Variants in HEATR1 observed in about 807,000 individuals in gnomAD.
HEATR1 encodes the protein HEAT repeat-containing protein 1.
A neutral mutation model predicts 248.2 loss-of-function variants in HEATR1; 77 were observed. The ratio of observed to expected loss-of-function variants is 0.31; its 90% confidence interval spans 0.26 to 0.37. HEATR1 has a LOEUF of 0.37. Among genes scored for constraint, HEATR1 ranks in the 10% least tolerant of loss-of-function variants. The pLI is 1.00. For synonymous variants in HEATR1, 897 were observed against 923.1 expected (o/e 0.97, Z 0.51); for missense variants, 2,420 against 2,504.9 (o/e 0.97, Z 0.72).
At chr1:236,576,658 G>T in intron 21 of HEATR1, 122 bp downstream of exon 21, 1 of 882,060 alleles carries the variant, frequency 1.1e-6, no homozygotes, top group Non-Finnish European at 1.7e-6. Flanking sequence ...TGACCTATCA[G>T]TTCCTAAATC....
intron 6 of HEATR1, among the ~76,000 whole-genome samples, chr1:236,596,624 A>G (rs1664183451): frequency 6.6e-6 from 1 of 152,256 alleles, no homozygotes; most frequent in South Asian, 2.1e-4. Flanking sequence ...AGGACCAGAC[A>G]GCCAATATTT....
intron 19 of HEATR1, 125 bp from the exon 20 acceptor site, chr1:236,581,539 A>T (rs1286752848): frequency 4.9e-6 from 3 of 615,498 alleles, no homozygotes; most frequent in South Asian, 2.7e-5. Flanking sequence ...TGCTTTGTCT[A>T]ATCATTTCAA....
At chr1:236,555,683 A>C (rs1662950111) in intron 39 of HEATR1, 28 bp from the exon 40 acceptor site, 1 of 1,610,536 alleles carries the variant, frequency 6.2e-7, no homozygotes, top group Non-Finnish European at 8.5e-7. Flanking sequence ...CATTTATTAG[A>C]GTGCTGATAC....
chr1:236,586,524 AC>A (rs1303049138), intron 14 of HEATR1, 72 bp from the exon 15 acceptor site: 16 of 899,992 alleles, frequency 1.8e-5, no homozygotes, highest in Non-Finnish European at 2.5e-5. Flanking sequence ...ATTCATCATT[AC>A]ATTACTCCAG....
chr1:236,551,940 C>T lies in HEATR1; in HGVS notation c.6346+59G>A, dbSNP rs544999870. 4.1e-5 allele frequency: 48 copies of T among 1,171,318 alleles called. No homozygotes were observed. The South Asian group carries it at 4.7e-4, about 11-fold the overall frequency. The allele number at this position is 1,171,318 out of a possible 1,614,324, so 72.6% of individuals were successfully genotyped here. On this transcript the variant is annotated intron_variant, in intron 44 of 44. Coordinates refer to ENST00000366582, the MANE Select transcript of HEATR1 (RefSeq NM_018072.6). Reference sequence around the variant, plus strand: ...TGCATTATCATTGGGCACATTTTCACAGAATTTTACTGAATTATTCCTTAA... The same window carrying T: ...TGCATTATCATTGGGCACATTTTCATAGAATTTTACTGAATTATTCCTTAA...
rs1394760409 is a variant in HEATR1 at position 236,559,074 on chromosome 1, G to T, written c.4832C>A (p.Pro1611His). 1 of 1,612,276 alleles carries T rather than the reference G, an allele frequency of 6.2e-7. No homozygotes were observed. Among genetic ancestry groups the T allele is most frequent in the Non-Finnish European group, 8.5e-7 (1 of 1,179,442 alleles). ...IPVIRGLVGN[P>H]LPSVRRKALD... ...CGCTTTGCGGCGAACAGATGGCAGG[G>T]GATTGCCCACCAGCCCTCTGATCAC... is the stretch of plus-strand genomic sequence containing the variant. The change falls in exon 35 of 45, where the codon CCC becomes CAC. Residue 1611 changes from proline to histidine, a missense_variant. Physicochemically the swap from Pro to His is moderately conservative, Grantham distance 77. Coordinates refer to ENST00000366582, the MANE Select transcript of HEATR1 (RefSeq NM_018072.6).
intron 33 of HEATR1, 143 bp from the exon 34 acceptor site, chr1:236,559,980 A>G: frequency 1.1e-6 from 1 of 887,074 alleles, no homozygotes; most frequent in Non-Finnish European, 1.6e-6. Context: ...ACTCGGAAAG[A>G]AAGGAAATGA....
At chr1:236,602,136 CA>C (rs201076198) in intron 3 of HEATR1, among the ~76,000 whole-genome samples, 12 of 142,102 alleles carry the variant, frequency 8.4e-5, no homozygotes, top group African/African-American at 1.3e-4. Context: ...GAGACTGTCT[CA>C]AAAAAAAAAG....
At chr1:236,584,404 G>A (rs559249327) in intron 17 of HEATR1, among the ~76,000 whole-genome samples, 13 of 152,152 alleles carry the variant, frequency 8.5e-5, no homozygotes, top group African/African-American at 2.9e-4. Context: ...AATCCTGCGG[G>A]TATACGTAAA....
rs2103119823 is a variant in HEATR1, at chr1:236,551,721, G to A, written c.6346+278C>T. On this transcript the variant is annotated intron_variant, in intron 44 of 44. Transcript: ENST00000366582. ...AAACACTACTGTAATCTGCTTGTATGATCACAAACCACCACAAAAGAAAAG... is the reference window on the plus strand; with the variant it reads ...AAACACTACTGTAATCTGCTTGTATAATCACAAACCACCACAAAAGAAAAG... 4 of 329,460 alleles carry A rather than the reference G, an allele frequency of 1.2e-5. No individual in the cohort carries two copies. The East Asian group carries it at 1.9e-4, about 15-fold the overall frequency. 20.4% of individuals were successfully genotyped at this position (329,460 alleles called of 1,614,324 possible). A position where few individuals can be genotyped will look rare whatever the true frequency, so the allele number is the denominator to read the frequency against.
intron 33 of HEATR1, 93 bp from the exon 34 acceptor site, chr1:236,559,930 G>A (rs1021881337): frequency 2.3e-6 from 3 of 1,307,970 alleles, no homozygotes; most frequent in African/African-American, 1.5e-5. Flanking sequence ...CAAGTAGAAA[G>A]ACGAGTTAAA....
chr1:236,555,364 G>A lies in HEATR1; in HGVS notation c.5855C>T (p.Thr1952Ile). ...CTTCACTAAGTGGCCGGCAAACAGA[G>A]TAAAAAGCCCTTTCAGCTTTTCAGC... ...CIAEKLKGLF[T>I]LFAGHLVKPF... is the part of the protein sequence containing the mutation. Residue 1952 changes from threonine (T) to isoleucine (I), a missense_variant, in exon 41 of 45, where the codon ACT (threonine) becomes ATT (isoleucine). Coordinates refer to ENST00000366582, the MANE Select transcript of HEATR1 (RefSeq NM_018072.6). The A allele has an allele frequency of 6.2e-7, 1 of 1,614,230 alleles. No homozygotes were observed. The highest frequency in any genetic ancestry group is 8.5e-7 in the Non-Finnish European group (1 of 1,180,048).
chr1:236,603,865 A>C, intron 2 of HEATR1, 89 bp downstream of exon 2: 1 of 1,328,806 alleles, frequency 7.5e-7, no homozygotes, highest in Non-Finnish European at 1.0e-6. Context: ...AGGACGGGAC[A>C]GAAGAGAAAA....
chr1:236,568,275 A>G (rs939779741), intron 29 of HEATR1, among the ~76,000 whole-genome samples: 1 of 152,168 alleles, frequency 6.6e-6, no homozygotes, highest in Non-Finnish European at 1.5e-5. Context: ...ATGAATGCAT[A>G]TTATTATTTT....
intron 28 of HEATR1, 87 bp from the exon 29 acceptor site, chr1:236,569,211 T>C (rs990988324): frequency 9.2e-7 from 1 of 1,084,228 alleles, no homozygotes; most frequent in African/African-American, 1.6e-5. Flanking sequence ...CGCTCCGTCA[T>C]TCAGGCTGGG....
intron 35 of HEATR1, 30 bp downstream of exon 35, chr1:236,558,965 T>G: frequency 6.4e-7 from 1 of 1,551,708 alleles, no homozygotes; most frequent in Non-Finnish European, 8.7e-7. Context: ...CAAAGTACAG[T>G]AAATGGGTGT....
intron 34 of HEATR1, 94 bp from the exon 35 acceptor site, chr1:236,559,229 C>A: frequency 1.2e-6 from 1 of 835,966 alleles, no homozygotes; most frequent in Non-Finnish European, 1.7e-6. Flanking sequence ...CTGCACACCT[C>A]CAGGCACCAG....
chr1:236,588,313 A>G (rs1663946988), intron 12 of HEATR1, among the ~76,000 whole-genome samples: 1 of 152,206 alleles, frequency 6.6e-6, no homozygotes, highest in Admixed American at 6.5e-5. Flanking sequence ...GTAGTTAAGG[A>G]GTTCATCTTA....
intron 31 of HEATR1, 42 bp from the exon 32 acceptor site, chr1:236,564,703 T>A (rs1448614430): frequency 1.9e-6 from 3 of 1,564,826 alleles, no homozygotes. Context: ...CATTTTCACC[T>A]GAATCCTTCA....
Sources: allele counts gnomAD v4.1 joint callset (sites outside exome capture counted in the v4.1 genomes callset), GRCh38; gene constraint gnomAD v4.1.1; transcripts MANE v1.5; gene names NCBI Gene and HGNC (gene_info 2026-07-23, HGNC 2026-07-21).